The following TANGO6 variants were observed in gnomAD, a reference collection of about 807,000 sequenced individuals.
TANGO6 encodes transport and Golgi organization protein 6 homolog.
TANGO6 carries 90 observed loss-of-function variants against 114.2 expected under a neutral mutation model. That is an observed-to-expected ratio of 0.79 (90% CI 0.66 to 0.94). TANGO6 has a LOEUF of 0.94. Among genes scored for constraint, TANGO6 ranks in the 40% least tolerant of loss-of-function variants. The probability of loss-of-function intolerance (pLI) is 0.00; values close to 1 mark genes in which losing one functional copy is unlikely to be tolerated. For missense variants in TANGO6, 1,274 were observed against 1,315.3 expected, an observed-to-expected ratio of 0.97 and a Z score of 0.49; for synonymous variants, 477 against 509.8, an observed-to-expected ratio of 0.94 and a Z score of 0.87.
chr16:68,952,608 CCT>C (rs1180612757), intron 14 of TANGO6, among the ~76,000 whole-genome samples: 4 of 152,164 alleles, frequency 2.6e-5, no homozygotes, highest in Non-Finnish European at 5.9e-5. Flanking sequence ...TCAATTACCC[CCT>C]CTCAGGTCAC....
At chr16:69,021,905 A>G (rs1959413337) in intron 15 of TANGO6, among the ~76,000 whole-genome samples, 1 of 145,332 alleles carries the variant, frequency 6.9e-6, no homozygotes, top group Non-Finnish European at 1.5e-5. Flanking sequence ...TTTTTTTTTA[A>G]GACAGAATCT....
At chr16:68,938,934 T>C (rs985252723) in intron 14 of TANGO6, among the ~76,000 whole-genome samples, 1 of 151,690 alleles carries the variant, frequency 6.6e-6, no homozygotes, top group Non-Finnish European at 1.5e-5. Flanking sequence ...CGGCCAGTCA[T>C]GGTGGCTCAC....
At chr16:68,996,626 A>C (rs1963992283) in intron 15 of TANGO6, among the ~76,000 whole-genome samples, 1 of 152,216 alleles carries the variant, frequency 6.6e-6, no homozygotes, top group South Asian at 2.1e-4. Flanking sequence ...CTAGAGATCC[A>C]TATACTTTAG....
Position 68,878,123 on chromosome 16 carries a change from G to T in TANGO6, c.1137G>T (p.Leu379=). 1 of 1,609,414 alleles carries T rather than the reference G, an allele frequency of 6.2e-7. No homozygotes were observed. The part of the protein sequence containing the change: ...NYYRDICPQV[L]DLFHFQDKLT... ...TTCTTGTAGTTTTTTTGTAGGTTCT[G>T]GATTTATTTCACTTTCAAGATAAAT... Residue 379 remains leucine (L), a synonymous_variant, in exon 6 of 18, where the codon CTG becomes CTT. Transcript: ENST00000261778.
At chr16:68,913,323 G>T (rs541593933) in intron 11 of TANGO6, among the ~76,000 whole-genome samples, 2 of 151,376 alleles carry the variant, frequency 1.3e-5, no homozygotes, top group South Asian at 2.1e-4. Context: ...AGCTGATCTA[G>T]CAACTTGAGA....
chr16:68,951,644 G>A (rs945734346), intron 14 of TANGO6, among the ~76,000 whole-genome samples: 12 of 138,880 alleles, frequency 8.6e-5, no homozygotes, highest in Admixed American at 6.2e-4. Context: ...ACAGAGTCTC[G>A]CTCTATCGCC....
intron 17 of TANGO6, among the ~76,000 whole-genome samples, chr16:69,073,403 C>T (rs1350246878): frequency 1.3e-5 from 2 of 152,190 alleles, no homozygotes; most frequent in Non-Finnish European, 2.9e-5. Context: ...TCTCTTAGAA[C>T]GGAGATCACT....
At chr16:68,925,734 A>G (rs917025801) in intron 12 of TANGO6, among the ~76,000 whole-genome samples, 2 of 151,932 alleles carry the variant, frequency 1.3e-5, no homozygotes, top group Admixed American at 6.6e-5. Context: ...TAGGAGTTTT[A>G]TAGTTTTGTA....
At chr16:69,006,710 C>T (rs1964094758) in intron 15 of TANGO6, among the ~76,000 whole-genome samples, 1 of 152,164 alleles carries the variant, frequency 6.6e-6, no homozygotes, top group Non-Finnish European at 1.5e-5. Flanking sequence ...GAGATCGCAC[C>T]ACTGCACTCC....
intron 17 of TANGO6, 133 bp from the exon 18 acceptor site, chr16:69,083,352 C>A: frequency 8.4e-7 from 1 of 1,184,452 alleles, no homozygotes; most frequent in Non-Finnish European, 1.1e-6. Context: ...AGCCACTGCA[C>A]CCAGCCACAT....
intron 15 of TANGO6, among the ~76,000 whole-genome samples, chr16:69,016,379 CAA>C (rs1959298299): frequency 6.8e-6 from 1 of 148,086 alleles, no homozygotes; most frequent in South Asian, 2.1e-4. Flanking sequence ...GCCTGGGCAA[CAA>C]GAGCGAAACT....
chr16:68,995,696 G>T (rs1156859155), intron 15 of TANGO6, among the ~76,000 whole-genome samples: 2 of 152,074 alleles, frequency 1.3e-5, no homozygotes, highest in Non-Finnish European at 2.9e-5. Context: ...TATTTCCATT[G>T]TACCCTGTTA....
intron 7 of TANGO6, among the ~76,000 whole-genome samples, chr16:68,895,853 T>G (rs947469125): frequency 3.9e-5 from 6 of 152,202 alleles, no homozygotes; most frequent in Non-Finnish European, 8.8e-5. Context: ...ATTTTAAAAT[T>G]TTAATTGACA....
At chr16:68,859,225 C>T (rs113118092) in intron 1 of TANGO6, among the ~76,000 whole-genome samples, 86 of 152,182 alleles carry the variant, frequency 5.7e-4, no homozygotes, top group African/African-American at 1.9e-3. Flanking sequence ...GGCTAGAGTG[C>T]GGTGGCGCAG....
intron 12 of TANGO6, among the ~76,000 whole-genome samples, chr16:68,923,550 G>C (rs1313409473): frequency 6.6e-6 from 1 of 152,070 alleles, no homozygotes; most frequent in East Asian, 1.9e-4. Flanking sequence ...CCCAATTTGG[G>C]TGCTCTATAG....
intron 17 of TANGO6, among the ~76,000 whole-genome samples, chr16:69,083,159 A>C (rs1194113692): frequency 6.9e-6 from 1 of 145,586 alleles, no homozygotes; most frequent in Non-Finnish European, 1.5e-5. Flanking sequence ...TCCCAGGCTC[A>C]GATGATCCTC....
intron 14 of TANGO6, among the ~76,000 whole-genome samples, chr16:68,959,131 T>C (rs1963564051): frequency 6.6e-6 from 1 of 152,226 alleles, no homozygotes; most frequent in Non-Finnish European, 1.5e-5. Context: ...GGAAGAGTTT[T>C]ACAGTAGTTC....
chr16:69,042,891 G>A (rs753691679), intron 17 of TANGO6, among the ~76,000 whole-genome samples: 1 of 152,112 alleles, frequency 6.6e-6, no homozygotes, highest in African/African-American at 2.4e-5. Context: ...TGCAACTTTT[G>A]TGTAAATCTA....
chr16:68,845,889 A>G (rs1027317371), intron 1 of TANGO6, among the ~76,000 whole-genome samples: 2 of 151,434 alleles, frequency 1.3e-5, no homozygotes, highest in African/African-American at 2.4e-5. Flanking sequence ...GTTTCACTCC[A>G]TCACCCAGGC....
Sources: gnomAD v4.1 joint callset for allele counts (sites outside exome capture counted in the v4.1 genomes callset) on GRCh38, gnomAD v4.1.1 for gene constraint, MANE v1.5 for transcripts, NCBI Gene and HGNC (gene_info 2026-07-23, HGNC 2026-07-21) for gene names.